TGS1: variants seen among roughly 807,000 people sequenced by gnomAD.
TGS1 encodes trimethylguanosine synthase 1.
In TGS1, 69 loss-of-function variants were observed where a neutral mutation model predicts 92.2. The observed-to-expected ratio is 0.75, with a 90% CI of 0.62 to 0.91. TGS1 has a LOEUF of 0.91. Ranked by LOEUF, TGS1 falls within the 40% of genes least tolerant of loss-of-function variation. The pLI, the probability that TGS1 is intolerant of heterozygous loss-of-function variation, is 0.00. For missense variants in TGS1, 1,062 were observed against 1,001.2 expected, an observed-to-expected ratio of 1.06 and a Z score of -0.82; for synonymous variants, 345 against 338.1, an observed-to-expected ratio of 1.02 and a Z score of -0.22.
chr8:55,812,066 A>G (rs6994370), intron 11 of TGS1, among the ~76,000 whole-genome samples: 19,256 of 152,084 alleles, frequency 0.13, 1,275 homozygotes, highest in South Asian at 0.16. Flanking sequence ...GATGCTGGCT[A>G]ATTTGCTGTG....
intron 1 of TGS1, among the ~76,000 whole-genome samples, chr8:55,777,360 C>G (rs1488816972): frequency 6.6e-6 from 1 of 150,652 alleles, no homozygotes. Context: ...CGTATCTGAT[C>G]GCTCTGGCCT....
intron 5 of TGS1, among the ~76,000 whole-genome samples, chr8:55,791,495 C>T (rs1811885700): frequency 6.6e-6 from 1 of 152,190 alleles, no homozygotes; most frequent in Admixed American, 6.5e-5. Context: ...TGAAGCAGTC[C>T]TTTGTTGTAA....
At chr8:55,814,674 A>AAAAAAAATATATAT (rs1254531524) in intron 12 of TGS1, among the ~76,000 whole-genome samples, 1 of 123,352 alleles carries the variant, frequency 8.1e-6, no homozygotes, top group African/African-American at 3.6e-5. Context: ...AAAAAAAAAA[A>AAAAAAAATATATAT]ATATATATAT....
intron 7 of TGS1, among the ~76,000 whole-genome samples, chr8:55,798,077 A>T (rs1371404723): frequency 1.3e-5 from 2 of 152,188 alleles, no homozygotes; most frequent in Non-Finnish European, 2.9e-5. Context: ...CTATGCATTC[A>T]TCTATAGATG....
At chr8:55,804,147 G>A (rs1309415941) in intron 9 of TGS1, among the ~76,000 whole-genome samples, 1 of 151,992 alleles carries the variant, frequency 6.6e-6, no homozygotes, top group Non-Finnish European at 1.5e-5. Context: ...CCCTTTAAAA[G>A]CATGCAGTTT....
Position 55,782,811 on chromosome 8 carries a change from A to T in TGS1, c.165A>T (p.Ser55=). 1 of 1,592,662 alleles carries T rather than the reference A, an allele frequency of 6.3e-7. No homozygotes were observed. Among genetic ancestry groups the T allele is most frequent in the Non-Finnish European group, 8.6e-7 (1 of 1,168,840 alleles). The part of the protein sequence containing the change: ...GYYIRDSGNN[S]GDQATEEEEG... ...ACATCAGAGACAGTGGCAACAATTC[A>T]GGTAATATAGTATAAAATTCTATAA... The change falls in exon 2 of 13, where the codon TCA becomes TCT. Residue 55 remains serine, a splice_region_variant and synonymous_variant. Transcript: ENST00000260129.
At chr8:55,803,126 G>T (rs974003680) in intron 9 of TGS1, among the ~76,000 whole-genome samples, 17 of 110,620 alleles carry the variant, frequency 1.5e-4, no homozygotes, top group African/African-American at 5.8e-4. Flanking sequence ...CTTCAATTTG[G>T]GGGGGTGTGT....
At chr8:55,803,867 A>G (rs934987853) in intron 9 of TGS1, among the ~76,000 whole-genome samples, 1 of 151,894 alleles carries the variant, frequency 6.6e-6, no homozygotes, top group Non-Finnish European at 1.5e-5. Flanking sequence ...AATGTTTTGT[A>G]GAGACAGGGT....
Position 55,795,959 on chromosome 8 carries a change from T to C in TGS1, c.1368-19T>C, listed in dbSNP as rs753914667. ...TCCTAGAATTTAAGTTGTGAATAACTTCTTTTGATCTGTCACAGATATGGT... is the reference window on the plus strand; with the variant it reads ...TCCTAGAATTTAAGTTGTGAATAACCTCTTTTGATCTGTCACAGATATGGT... On this transcript the variant is annotated intron_variant, in intron 6 of 12. Transcript: ENST00000260129. The C allele has an allele frequency of 3.8e-6, 6 of 1,584,878 alleles. No individual in the cohort carries two copies. In the South Asian group the frequency reaches 5.8e-5, roughly 15 times the overall value.
chr8:55,801,965 C>T (rs555802007), intron 8 of TGS1, among the ~76,000 whole-genome samples: 56 of 152,146 alleles, frequency 3.7e-4, no homozygotes, highest in Admixed American at 1.8e-3. Flanking sequence ...GAGGCCAAGG[C>T]GGGTGGATCA....
At chr8:55,815,371 CTT>C (rs930946278) in intron 12 of TGS1, among the ~76,000 whole-genome samples, 1 of 151,766 alleles carries the variant, frequency 6.6e-6, no homozygotes, top group Non-Finnish European at 1.5e-5. Context: ...GGGAAATCAA[CTT>C]TTTTTTAATG....
At chr8:55,787,838 C>T (rs1010443920) in intron 4 of TGS1, among the ~76,000 whole-genome samples, 15 of 152,118 alleles carry the variant, frequency 9.9e-5, no homozygotes, top group Admixed American at 9.2e-4. Flanking sequence ...CAGGAACCTT[C>T]CAATTATGGC....
At chr8:55,778,959 C>T (rs963723640) in intron 1 of TGS1, among the ~76,000 whole-genome samples, 1 of 152,170 alleles carries the variant, frequency 6.6e-6, no homozygotes, top group Non-Finnish European at 1.5e-5. Flanking sequence ...CAGGTGGCTG[C>T]TTAGGGCTCT....
rs571674813 is a variant in TGS1, at chr8:55,797,135, G to A, written c.1542+983G>A. Among the ~76,000 whole-genome samples the A allele has an allele frequency of 1.4e-4, 22 of 152,286 alleles. 1 individual carries two copies. The East Asian group carries it at 4.0e-3, about 28-fold the overall frequency. ...GACTGGATAATTTTTGAAGGAAAGA[G>A]GTTTAATTGACTCACAGTTCTGCAG... is the stretch of plus-strand genomic sequence containing the variant. On this transcript the variant is annotated intron_variant, in intron 7 of 12. Coordinates refer to ENST00000260129, the MANE Select transcript of TGS1 (RefSeq NM_024831.8).
chr8:55,793,783 T>A (rs1390916747), intron 6 of TGS1, among the ~76,000 whole-genome samples: 1 of 150,988 alleles, frequency 6.6e-6, no homozygotes, highest in Non-Finnish European at 1.5e-5. Flanking sequence ...TATTTTTTAA[T>A]TTTTTATTTT....
intron 10 of TGS1, 87 bp downstream of exon 10, chr8:55,805,123 A>ACT: frequency 1.1e-6 from 1 of 937,390 alleles, no homozygotes; most frequent in Non-Finnish European, 1.6e-6. Context: ...TCTTACTGAG[A>ACT]TTTAATATAT....
intron 5 of TGS1, among the ~76,000 whole-genome samples, chr8:55,790,601 A>G (rs1238355344): frequency 6.6e-6 from 1 of 151,806 alleles, no homozygotes; most frequent in Non-Finnish European, 1.5e-5. Context: ...CCTCAGCTCA[A>G]TTGAACTTGA....
intron 1 of TGS1, among the ~76,000 whole-genome samples, chr8:55,774,030 C>T (rs1386287480): frequency 1.3e-5 from 2 of 152,168 alleles, no homozygotes; most frequent in Admixed American, 1.3e-4. Context: ...AAAATGAAAT[C>T]TCTAGTAGAT....
intron 12 of TGS1, among the ~76,000 whole-genome samples, chr8:55,823,583 G>A (rs1803710805): frequency 6.6e-6 from 1 of 152,138 alleles, no homozygotes; most frequent in Non-Finnish European, 1.5e-5. Flanking sequence ...GTGAGAGAAG[G>A]AAAAGTCACT....
Sources: gnomAD v4.1 joint callset for allele counts (sites outside exome capture counted in the v4.1 genomes callset) on GRCh38, gnomAD v4.1.1 for gene constraint, MANE v1.5 for transcripts, NCBI Gene and HGNC (gene_info 2026-07-23, HGNC 2026-07-21) for gene names.